Variants in ANLN observed in about 807,000 individuals in gnomAD.
ANLN encodes the protein anillin.
A neutral mutation model predicts 135.1 loss-of-function variants in ANLN; 59 were observed. The observed-to-expected ratio is 0.44, with a 90% CI of 0.35 to 0.54. The LOEUF is 0.54. Ranked by LOEUF, ANLN falls within the 20% of genes least tolerant of loss-of-function variation. The pLI, the probability that ANLN is intolerant of heterozygous loss-of-function variation, is 0.00. For synonymous variants in ANLN, 406 were observed against 456.4 expected, an observed-to-expected ratio of 0.89 and a Z score of 1.41; for missense variants, 1,182 against 1,340.0, an observed-to-expected ratio of 0.88 and a Z score of 1.84.
chr7:36,446,347 T>C (rs575545720), intron 22 of ANLN, among the ~76,000 whole-genome samples: 28 of 152,282 alleles, frequency 1.8e-4, no homozygotes, highest in African/African-American at 6.3e-4. Context: ...GCCAGCATCA[T>C]TGAATGGTTT....
At chr7:36,414,523 T>A (rs1787560519) in intron 7 of ANLN, among the ~76,000 whole-genome samples, 1 of 152,102 alleles carries the variant, frequency 6.6e-6, no homozygotes. Flanking sequence ...TTCTGAAAGC[T>A]CCTGTTTTAT....
At position 36,396,311 on chromosome 7, in the gene ANLN, A is replaced by T; in HGVS notation, c.64A>T (p.Lys22Ter). ...TGCCAGGCGAGAGAATCTTCAGAGA[A>T]AAATGGCTGAGAGGCCCACAGCAGC... ...TRARRENLQR[K>*]MAERPTAAPR... Residue 22 changes from lysine to a stop codon, truncating the protein, a stop_gained, in exon 2 of 24, where the codon AAA becomes TAA. Transcript: ENST00000265748. LOFTEE classifies it high-confidence loss of function. The T allele has an allele frequency of 6.2e-7, 1 of 1,607,642 alleles. No homozygotes were observed.
intron 20 of ANLN, among the ~76,000 whole-genome samples, chr7:36,436,085 A>G (rs1407644719): frequency 6.6e-6 from 1 of 152,174 alleles, no homozygotes. Context: ...CTCTAAAAGT[A>G]AAAAGTCTTA....
intron 20 of ANLN, among the ~76,000 whole-genome samples, chr7:36,429,064 C>T (rs1243201322): frequency 6.6e-6 from 1 of 151,528 alleles, no homozygotes; most frequent in African/African-American, 2.4e-5. Flanking sequence ...CAGGTGTGAA[C>T]ACTGTGCCTG....
intron 5 of ANLN, among the ~76,000 whole-genome samples, chr7:36,409,959 A>C (rs1195940979): frequency 6.6e-6 from 1 of 152,174 alleles, no homozygotes; most frequent in Non-Finnish European, 1.5e-5. Flanking sequence ...GGTGTGAGCC[A>C]CTGCACCCCG....
Position 36,439,356 on chromosome 7 carries a change from A to G in ANLN, c.2970+66A>G, listed in dbSNP as rs1788672035. On this transcript the variant is annotated intron_variant, in intron 21 of 23. Coordinates refer to ENST00000265748, the MANE Select transcript of ANLN (RefSeq NM_018685.5). ...TTTGTGAAATACAGACTTGTTTCCC[A>G]TAGGAATGAAATCCTTTGTGATTAA... 7 of 924,350 alleles carry G rather than the reference A, an allele frequency of 7.6e-6. No individual in the cohort carries two copies. The Admixed American group carries it at 1.3e-4, about 18-fold the overall frequency. 57.3% of individuals were successfully genotyped at this position (924,350 alleles called of 1,614,324 possible).
chr7:36,425,281 T>C (rs973564737), intron 17 of ANLN, among the ~76,000 whole-genome samples: 57 of 151,458 alleles, frequency 3.8e-4, no homozygotes, highest in Middle Eastern at 3.4e-3. Context: ...TATTCATATT[T>C]AAGAACTCAT....
intron 7 of ANLN, among the ~76,000 whole-genome samples, chr7:36,415,143 G>C (rs1787587267): frequency 6.6e-6 from 1 of 152,168 alleles, no homozygotes; most frequent in Non-Finnish European, 1.5e-5. Context: ...ATACAAAATA[G>C]TGAATGTTCC....
chr7:36,413,925 C>T (rs548796421), intron 7 of ANLN, among the ~76,000 whole-genome samples: 17 of 151,086 alleles, frequency 1.1e-4, no homozygotes, highest in African/African-American at 3.6e-4. Flanking sequence ...ACCTGGGAGT[C>T]GGAGGTTGCA....
In ANLN at chr7:36,406,195, A is replaced by T; in HGVS notation, c.502A>T (p.Ser168Cys). 6.3e-7 allele frequency: 1 copy of T among 1,590,526 alleles called. No homozygotes were observed. The highest frequency in any genetic ancestry group is 8.6e-7 in the Non-Finnish European group (1 of 1,164,518). The change falls in exon 4 of 24, where the codon AGC (serine) becomes TGC (cysteine). Residue 168 changes from serine to cysteine, a missense_variant. By Grantham distance (112) the Ser-to-Cys change is moderately radical. Transcript: ENST00000265748. ...AACATTTTCAGATGACATTCCTGAA[A>T]GCTCACTCTTCTCACCAATGCCATC... The part of the protein sequence containing the change: ...NDDMTDDIPE[S>C]SLFSPMPSEE...
intron 3 of ANLN, among the ~76,000 whole-genome samples, chr7:36,404,949 G>A (rs1469673123): frequency 6.6e-6 from 1 of 152,316 alleles, no homozygotes; most frequent in South Asian, 2.1e-4. Context: ...AATTTTCCAT[G>A]TAATATTTTT....
chr7:36,410,884 C>T (rs916662965), intron 6 of ANLN, among the ~76,000 whole-genome samples, 175 bp from the exon 7 acceptor site: 1 of 151,620 alleles, frequency 6.6e-6, no homozygotes. Flanking sequence ...CAGTATCACT[C>T]ATCTCAAATT....
intron 18 of ANLN, 120 bp downstream of exon 18, chr7:36,425,860 A>T: frequency 5.2e-6 from 6 of 1,149,184 alleles, no homozygotes; most frequent in Non-Finnish European, 6.3e-6. Flanking sequence ...ACATGTACTA[A>T]TGGGGGGATA....
intron 5 of ANLN, 127 bp downstream of exon 5, chr7:36,408,083 A>C: frequency 1.4e-6 from 1 of 711,920 alleles, no homozygotes. Context: ...AATGTTCCAA[A>C]TGAGACCTCA....
rs1472892982 is a variant in ANLN at position 36,399,367 on chromosome 7, G to A, written c.461G>A (p.Arg154His). Residue 154 changes from arginine (R) to histidine (H), a missense_variant, in exon 3 of 24, where the codon CGC becomes CAC. Transcript: ENST00000265748. ...TRMQKLAEQR[R>H]RWDNDDMTDD... ...ATGCAAAAACTTGCAGAGCAACGGC[G>A]CCGTTGGGATAATGATGATATGACA... 3 of 1,612,188 alleles carry A rather than the reference G, an allele frequency of 1.9e-6. No homozygotes were observed. Among genetic ancestry groups the A allele is most frequent in the East Asian group, 2.2e-5 (1 of 44,880 alleles).
At position 36,423,810 on chromosome 7, in the gene ANLN, C is replaced by G. The variant is rs758992445; in HGVS notation, c.2477-7C>G. 6.8e-6 allele frequency: 11 copies of G among 1,606,620 alleles called. No individual in the cohort carries two copies. Among genetic ancestry groups the G allele is most frequent in the South Asian group, 6.7e-5 (6 of 90,206 alleles). Reference sequence around the variant, plus strand: ...TGCTTACTATGTAATATGATTACTTCTTACAGATGCAGCAAATTACTATTA... The same window carrying G: ...TGCTTACTATGTAATATGATTACTTGTTACAGATGCAGCAAATTACTATTA... On this transcript the variant is annotated splice_region_variant and splice_polypyrimidine_tract_variant and intron_variant, in intron 14 of 23. Transcript: ENST00000265748.
chr7:36,436,251 T>G (rs1468133080), intron 20 of ANLN, among the ~76,000 whole-genome samples: 2 of 152,178 alleles, frequency 1.3e-5, no homozygotes, highest in East Asian at 3.8e-4. Context: ...TTTCCCTTAG[T>G]GTAATGTTTC....
intron 2 of ANLN, among the ~76,000 whole-genome samples, chr7:36,397,047 G>A (rs1234223976): frequency 1.3e-5 from 2 of 151,954 alleles, no homozygotes; most frequent in East Asian, 3.9e-4. Flanking sequence ...CTGGAGTGTA[G>A]AATAGTCTGG....
At chr7:36,449,959 A>G in intron 23 of ANLN, 122 bp downstream of exon 23, 1 of 838,658 alleles carries the variant, frequency 1.2e-6, no homozygotes, top group Non-Finnish European at 1.8e-6. Flanking sequence ...CTTAGTGAGA[A>G]AACAAAACAC....
Sources: gnomAD v4.1 joint callset for allele counts (sites outside exome capture counted in the v4.1 genomes callset) on GRCh38, gnomAD v4.1.1 for gene constraint, MANE v1.5 for transcripts, NCBI Gene and HGNC (gene_info 2026-07-23, HGNC 2026-07-21) for gene names.